NET1: variants seen among roughly 807,000 people sequenced by gnomAD.
The protein encoded by NET1 is neuroepithelial cell-transforming gene 1 protein.
A neutral mutation model predicts 61.1 loss-of-function variants in NET1; 42 were observed. The observed-to-expected ratio is 0.69, with a 90% CI of 0.54 to 0.89. NET1 has a LOEUF of 0.89. Ranked by LOEUF, NET1 falls within the 40% of genes least tolerant of loss-of-function variation. NET1 has a pLI of 0.00. For missense variants in NET1, 654 were observed against 747.3 expected, an observed-to-expected ratio of 0.88 and a Z score of 1.46; for synonymous variants, 254 against 281.8, an observed-to-expected ratio of 0.90 and a Z score of 0.99.
At chr10:5,448,309 A>C (rs1276615938) in intron 3 of NET1, among the ~76,000 whole-genome samples, 1 of 152,218 alleles carries the variant, frequency 6.6e-6, no homozygotes, top group East Asian at 1.9e-4. Flanking sequence ...GGATTTTTCC[A>C]TGTCGTTGCA....
In NET1 at chr10:5,457,062, C is replaced by G; in HGVS notation, c.*68C>G. 1 of 1,437,618 alleles carries G rather than the reference C, an allele frequency of 7.0e-7. No individual in the cohort carries two copies. The highest frequency in any genetic ancestry group is 9.3e-7 in the Non-Finnish European group (1 of 1,080,100). 89.1% of individuals were successfully genotyped at this position (1,437,618 alleles called of 1,614,324 possible). ...ATAAATGTGTACAGTTTTGTTTTCT[C>G]GTAAGGGGAGCATCATAGGGTTACT... On this transcript the variant is annotated 3_prime_UTR_variant, in exon 12 of 12. Coordinates refer to ENST00000355029, the MANE Select transcript of NET1 (RefSeq NM_001047160.3). The surrounding 1 kb of genome is among the most constrained non-coding windows in gnomAD (Gnocchi z 5.4).
chr10:5,451,896 G>A lies in NET1; in HGVS notation c.322G>A (p.Val108Ile), dbSNP rs1451368480. 1 of 1,613,846 alleles carries A rather than the reference G, an allele frequency of 6.2e-7. No individual in the cohort carries two copies. Among genetic ancestry groups the A allele is most frequent in the African/African-American group, 1.3e-5 (1 of 74,924 alleles). ...VTSLANLISP[V>I]RNGAVRRFGQ... ...GTCCTTGGCAAATTTAATCTCTCCTGTAAGAAATGGAGCTGTCAGACGTTT... is the reference window on the plus strand; with the variant it reads ...GTCCTTGGCAAATTTAATCTCTCCTATAAGAAATGGAGCTGTCAGACGTTT... Residue 108 changes from valine to isoleucine, a missense_variant, in exon 4 of 12, where the codon GTA becomes ATA. Val to Ile is a conservative substitution (Grantham distance 29, BLOSUM62 3). Transcript: ENST00000355029. The surrounding 1 kb of genome is among the most constrained non-coding windows in gnomAD (Gnocchi z 6.1).
chr10:5,450,536 C>T (rs1357208625), intron 3 of NET1, among the ~76,000 whole-genome samples: 1 of 151,830 alleles, frequency 6.6e-6, no homozygotes, highest in Admixed American at 6.6e-5. Flanking sequence ...TTTTATATTA[C>T]TTTAGTCATG....
Position 5,457,003 on chromosome 10 carries a change from C to G in NET1, c.*9C>G. The G allele has an allele frequency of 6.5e-7, 1 of 1,535,206 alleles. No individual in the cohort carries two copies. The highest frequency in any genetic ancestry group is 8.8e-7 in the Non-Finnish European group (1 of 1,141,932). Reference sequence around the variant, plus strand: ...AAGAGACTTTGGTGTAGAGAAGGCTCTGTGTGTTAACTGATGGGAGAGACT... The same window carrying G: ...AAGAGACTTTGGTGTAGAGAAGGCTGTGTGTGTTAACTGATGGGAGAGACT... On this transcript the variant is annotated 3_prime_UTR_variant, in exon 12 of 12. Coordinates refer to ENST00000355029, the MANE Select transcript of NET1 (RefSeq NM_001047160.3). This position sits in a 1 kb window ranked among gnomAD's most constrained non-coding sequence, Gnocchi z 5.4.
At chr10:5,428,880 G>A (rs1300042890) in intron 2 of NET1, among the ~76,000 whole-genome samples, 2 of 131,320 alleles carry the variant, frequency 1.5e-5, no homozygotes, top group South Asian at 2.7e-4. Flanking sequence ...GTGTCACCAC[G>A]CGCAGCTAAT....
At position 5,417,457 on chromosome 10, in the gene NET1, C is replaced by T. The variant is rs1832102312; in HGVS notation, c.128+4637C>T. Among the ~76,000 whole-genome samples, 1 of 152,172 alleles carries T rather than the reference C, an allele frequency of 6.6e-6. No homozygotes were observed. Among genetic ancestry groups the T allele is most frequent in the African/African-American group, 2.4e-5 (1 of 41,430 alleles). ...AGCACTTCCCTGCCCCGCTTTGTAT[C>T]ACTTTATTTTCAGTTTAATAATTTC... On this transcript the variant is annotated intron_variant, in intron 1 of 11. Transcript: ENST00000355029. The surrounding 1 kb of genome is among the most constrained non-coding windows in gnomAD (Gnocchi z 5.5).
intron 3 of NET1, among the ~76,000 whole-genome samples, chr10:5,433,362 C>G (rs555328404): frequency 6.6e-6 from 1 of 152,260 alleles, no homozygotes. Context: ...TAGCTGCCTT[C>G]GTAAACACTG....
In NET1 at chr10:5,435,474, GAGATAGATAGATAGAT is replaced by G. The variant is rs71388435; in HGVS notation, c.255+6289_255+6304del. ...TTCTACTTTATATGCCTCCGTGCCTGAGATAGATAGATAGATAGATAGATAGATAGATAGATAGATA... is the reference window on the plus strand; with the variant it reads ...TTCTACTTTATATGCCTCCGTGCCTGAGATAGATAGATAGATAGATAGATA... On this transcript the variant is annotated intron_variant, in intron 3 of 11. Transcript: ENST00000355029. This position sits in a 1 kb window ranked among gnomAD's most constrained non-coding sequence, Gnocchi z 5.0. 7.7e-5 allele frequency among the ~76,000 whole-genome samples: 11 copies of G among 142,742 alleles called. No homozygotes were observed. The highest frequency in any genetic ancestry group is 2.7e-4 in the African/African-American group (10 of 37,540). The allele number at this position is 142,742 out of a possible 152,430, so 93.6% of individuals were successfully genotyped here.
chr10:5,430,968 T>C (rs1407174330), intron 3 of NET1, among the ~76,000 whole-genome samples: 7 of 149,998 alleles, frequency 4.7e-5, no homozygotes, highest in African/African-American at 1.7e-4. Flanking sequence ...GCCTCCCGGG[T>C]TCACACCATT....
At chr10:5,429,709 A>G (rs1227735752) in intron 3 of NET1, among the ~76,000 whole-genome samples, 1 of 152,226 alleles carries the variant, frequency 6.6e-6, no homozygotes, top group Non-Finnish European at 1.5e-5. Context: ...TCAAGGCTTC[A>G]AGTATGTGAC....
chr10:5,454,218 C>T lies in NET1; in HGVS notation c.769-47C>T. The T allele has an allele frequency of 2.6e-6, 4 of 1,552,780 alleles. No individual in the cohort carries two copies. The highest frequency in any genetic ancestry group is 2.5e-5 in the South Asian group (2 of 81,608). ...ATGTTTGCAGGCTTGTTAATGCACT[C>T]GGTCATAACAGGAACACATCATACC... On this transcript the variant is annotated intron_variant, in intron 8 of 11. Coordinates refer to ENST00000355029, the MANE Select transcript of NET1 (RefSeq NM_001047160.3). The surrounding 1 kb of genome is among the most constrained non-coding windows in gnomAD (Gnocchi z 8.1).
At chr10:5,428,916 T>G (rs1211636986) in intron 2 of NET1, among the ~76,000 whole-genome samples, 1 of 148,222 alleles carries the variant, frequency 6.7e-6, no homozygotes, top group African/African-American at 2.5e-5. Flanking sequence ...GGATTTTTAG[T>G]AGAGACAGGG....
At position 5,446,534 on chromosome 10, in the gene NET1, C is replaced by T; in HGVS notation, c.256-5296C>T. ...TTAACTGAAGTCACGTGGTGGTGGA[C>T]CCCGCCCCCAGGGCCCGGTTGGCTG... On this transcript the variant is annotated intron_variant, in intron 3 of 11. Transcript: ENST00000355029. The surrounding 1 kb of genome is among the most constrained non-coding windows in gnomAD (Gnocchi z 5.0). 5 of 1,128,080 alleles carry T rather than the reference C, an allele frequency of 4.4e-6. No homozygotes were observed. Among genetic ancestry groups the T allele is most frequent in the Non-Finnish European group, 5.4e-6 (5 of 921,836 alleles). 69.9% of individuals were successfully genotyped at this position (1,128,080 alleles called of 1,614,324 possible).
In NET1 at chr10:5,443,233, G is replaced by A. The variant is rs11253180; in HGVS notation, c.256-8597G>A. Among the ~76,000 whole-genome samples the A allele has an allele frequency of 0.27, 41,034 of 152,054 alleles. 5,709 individuals carry two copies. The highest frequency in any genetic ancestry group is 0.29 in the Non-Finnish European group (19,420 of 67,978). ...AGAACAGAGTCATCAGGTCTGTTAA[G>A]CCACTGATTAACAAGGTACCTTTGG... On this transcript the variant is annotated intron_variant, in intron 3 of 11. Transcript: ENST00000355029. The surrounding 1 kb of genome is among the most constrained non-coding windows in gnomAD (Gnocchi z 4.8).
rs767299959 is a variant in NET1 at position 5,428,038 on chromosome 10, C to CCTTTTTTTTTTTTTTT, written c.196-1132_196-1131insCTTTTTTTTTTTTTTT. ...CACTTCTATCTGGACTTTGCCGTTCCTTTTTTTTTTTTTTTTTTTTTTTTT... is the reference window on the plus strand; with the variant it reads ...CACTTCTATCTGGACTTTGCCGTTCCCTTTTTTTTTTTTTTTTTTTTTTTTTTTTTTTTTTTTTTTT... On this transcript the variant is annotated intron_variant, in intron 2 of 11. Coordinates refer to ENST00000355029, the MANE Select transcript of NET1 (RefSeq NM_001047160.3). 3.5e-5 allele frequency among the ~76,000 whole-genome samples: 4 copies of CCTTTTTTTTTTTTTTT among 113,904 alleles called. 2 individuals carry two copies. The highest frequency in any genetic ancestry group is 3.6e-5 in the Non-Finnish European group (2 of 56,156). 74.7% of individuals were successfully genotyped at this position (113,904 alleles called of 152,430 possible).
At position 5,440,516 on chromosome 10, in the gene NET1, G is replaced by T. The variant is rs2094117484; in HGVS notation, c.255+11287G>T. 6.6e-6 allele frequency among the ~76,000 whole-genome samples: 1 copy of T among 152,166 alleles called. No individual in the cohort carries two copies. The highest frequency in any genetic ancestry group is 1.5e-5 in the Non-Finnish European group (1 of 68,026). ...GAGGCACTCAGATAAACAGAATGAG[G>T]ATCTAGTGGAGACTATCACTTGTGC... On this transcript the variant is annotated intron_variant, in intron 3 of 11. Coordinates refer to ENST00000355029, the MANE Select transcript of NET1 (RefSeq NM_001047160.3). The surrounding 1 kb of genome is among the most constrained non-coding windows in gnomAD (Gnocchi z 4.1).
rs933282234 is a variant in NET1 at position 5,431,846 on chromosome 10, C to A, written c.255+2617C>A. On this transcript the variant is annotated intron_variant, in intron 3 of 11. Transcript: ENST00000355029. This position sits in a 1 kb window ranked among gnomAD's most constrained non-coding sequence, Gnocchi z 4.9. ...CTCAAATTCCTAGTCTCAAGCAGTG[C>A]TCCTACCTCGGCCTCCCAAAGTGCT... Among the ~76,000 whole-genome samples, 1 of 152,152 alleles carries A rather than the reference C, an allele frequency of 6.6e-6. No individual in the cohort carries two copies. The highest frequency in any genetic ancestry group is 2.1e-4 in the South Asian group (1 of 4,822).
intron 1 of NET1, among the ~76,000 whole-genome samples, chr10:5,418,004 T>C (rs2119164402): frequency 6.6e-6 from 1 of 152,318 alleles, no homozygotes; most frequent in South Asian, 2.1e-4. Flanking sequence ...GTATAAGTCC[T>C]GCTTGGTCAT....
rs993846018 is a variant in NET1, at chr10:5,455,202, A to G, written c.1197+84A>G. On this transcript the variant is annotated intron_variant, in intron 10 of 11. Coordinates refer to ENST00000355029, the MANE Select transcript of NET1 (RefSeq NM_001047160.3). This position sits in a 1 kb window ranked among gnomAD's most constrained non-coding sequence, Gnocchi z 6.5. ...CACGTTTGTTATGAAGCAGGCTTGT[A>G]AAGGGAAAGTCATGACATAGTAAAA... 2.2e-6 allele frequency: 3 copies of G among 1,343,662 alleles called. No homozygotes were observed. Among genetic ancestry groups the G allele is most frequent in the Non-Finnish European group, 2.1e-6 (2 of 950,972 alleles). 83.2% of individuals were successfully genotyped at this position (1,343,662 alleles called of 1,614,324 possible).
Sources: gnomAD v4.1 joint callset for allele counts (sites outside exome capture counted in the v4.1 genomes callset) on GRCh38, gnomAD v4.1.1 for gene constraint, Gnocchi (gnomAD v3.1) non-coding constraint, MANE v1.5 for transcripts, NCBI Gene and HGNC (gene_info 2026-07-23, HGNC 2026-07-21) for gene names.